The following TENM3 variants were observed in gnomAD, a reference collection of about 807,000 sequenced individuals.
TENM3 encodes teneurin-3.
TENM3 carries 63 observed loss-of-function variants against 255.1 expected under a neutral mutation model. The observed-to-expected ratio is 0.25, with a 90% CI of 0.20 to 0.30. The LOEUF (loss-of-function observed/expected upper bound fraction) is 0.30. TENM3 is among the 10% of genes least tolerant of loss of function. The pLI is 1.00. For missense variants in TENM3, 2,929 were observed against 3,461.1 expected, an observed-to-expected ratio of 0.85 and a Z score of 3.86; for synonymous variants, 1,306 against 1,322.3, an observed-to-expected ratio of 0.99 and a Z score of 0.27.
At chr4:181,732,781 G>A in the TENM3 span, among the ~76,000 whole-genome samples, 5 of 152,128 alleles carry the variant, frequency 3.3e-5, no homozygotes, top group East Asian at 9.7e-4. Flanking sequence ...TGAGTAGGGG[G>A]GCGGGGGATG....
intron 3 of TENM3, among the ~76,000 whole-genome samples, chr4:182,570,975 G>A (rs1744301817): frequency 1.3e-5 from 2 of 152,164 alleles, no homozygotes; most frequent in African/African-American, 2.4e-5. Flanking sequence ...AGAACTGACA[G>A]ACTAACCTGG....
the TENM3 span, among the ~76,000 whole-genome samples, chr4:181,699,469 A>G: frequency 4.6e-4 from 66 of 143,876 alleles, no homozygotes; most frequent in African/African-American, 1.4e-3. Context: ...AAAAAAAAAA[A>G]AAAGAAAGAA....
At chr4:182,235,372 A>T (rs757376506) in intron 1 of TENM3, among the ~76,000 whole-genome samples, 4 of 152,214 alleles carry the variant, frequency 2.6e-5, no homozygotes, top group Non-Finnish European at 5.9e-5. Flanking sequence ...TGCAGCAAAA[A>T]TCTACCTTCC....
the TENM3 span, among the ~76,000 whole-genome samples, chr4:181,587,759 C>T: frequency 6.6e-6 from 1 of 152,202 alleles, no homozygotes; most frequent in Non-Finnish European, 1.5e-5. Flanking sequence ...ACATCAGTAA[C>T]TTCAACATAG....
At chr4:182,439,379 T>C (rs7682409) in intron 3 of TENM3, among the ~76,000 whole-genome samples, 150,794 of 152,362 alleles carry the variant, frequency 0.99, 74,638 homozygotes, top group East Asian at 1. Flanking sequence ...TGGCTTTTTA[T>C]AAACCAAGAC....
chr4:182,415,955 C>T (rs1770329056), intron 3 of TENM3, among the ~76,000 whole-genome samples: 1 of 152,034 alleles, frequency 6.6e-6, no homozygotes, highest in Non-Finnish European at 1.5e-5. Context: ...AATTCAATCC[C>T]CCTGCCTCCC....
the TENM3 span, among the ~76,000 whole-genome samples, chr4:181,856,072 GAAGA>G: frequency 4.1e-5 from 2 of 49,026 alleles, no homozygotes; most frequent in African/African-American, 1.3e-4. Context: ...GGAAGGAAAG[GAAGA>G]AGGAAGGAAG....
At chr4:182,538,086 TTAGTC>T (rs1488582188) in intron 3 of TENM3, among the ~76,000 whole-genome samples, 2 of 152,236 alleles carry the variant, frequency 1.3e-5, no homozygotes, top group African/African-American at 4.8e-5. Flanking sequence ...TATACATTAA[TTAGTC>T]TAATATAAGC....
At chr4:182,776,721 C>T (rs1211978218) in intron 24 of TENM3, among the ~76,000 whole-genome samples, 2 of 152,158 alleles carry the variant, frequency 1.3e-5, no homozygotes, top group African/African-American at 4.8e-5. Flanking sequence ...AGTCTGAAGT[C>T]CCTGGTTCTC....
At chr4:181,965,960 T>C in the TENM3 span, among the ~76,000 whole-genome samples, 88,631 of 151,990 alleles carry the variant, frequency 0.58, 26,429 homozygotes, top group African/African-American at 0.67. Flanking sequence ...ACCTTGAAGC[T>C]TTAGTATCTT....
chr4:182,170,829 G>T (rs1561164032), intron 1 of TENM3, among the ~76,000 whole-genome samples: 1 of 152,142 alleles, frequency 6.6e-6, no homozygotes, highest in African/African-American at 2.4e-5. Context: ...TAAAATTTCA[G>T]TGATGATGTA....
the TENM3 span, chr4:181,975,622 G>A: frequency 6.6e-6 from 1 of 152,352 alleles, no homozygotes; most frequent in Admixed American, 6.5e-5. Context: ...GTTGTGAGGA[G>A]ACCAAGGTAC....
At chr4:182,668,478 G>T (rs949626433) in intron 6 of TENM3, among the ~76,000 whole-genome samples, 1 of 152,124 alleles carries the variant, frequency 6.6e-6, no homozygotes, top group African/African-American at 2.4e-5. Flanking sequence ...CGAAGATTCT[G>T]TGGTGTTATG....
At chr4:181,993,154 C>T in the TENM3 span, among the ~76,000 whole-genome samples, 12 of 152,120 alleles carry the variant, frequency 7.9e-5, no homozygotes, top group South Asian at 6.2e-4. Context: ...CATATGGGTA[C>T]GATTATCTTC....
the TENM3 span, among the ~76,000 whole-genome samples, chr4:181,913,608 G>A: frequency 6.6e-6 from 1 of 152,006 alleles, no homozygotes; most frequent in Non-Finnish European, 1.5e-5. Context: ...TTGGCGGGAG[G>A]GACAGTTACA....
At chr4:181,510,577 G>T in the TENM3 span, among the ~76,000 whole-genome samples, 10 of 151,234 alleles carry the variant, frequency 6.6e-5, no homozygotes. Context: ...TTTAAAAAAA[G>T]AAAGTGTAAC....
chr4:181,599,015 C>T, the TENM3 span, among the ~76,000 whole-genome samples: 1 of 152,110 alleles, frequency 6.6e-6, no homozygotes, highest in Non-Finnish European at 1.5e-5. Flanking sequence ...GTCTAACTAC[C>T]TGAAGCTTTT....
At chr4:181,592,480 T>C in the TENM3 span, among the ~76,000 whole-genome samples, 9 of 151,906 alleles carry the variant, frequency 5.9e-5, no homozygotes, top group African/African-American at 2.2e-4. Flanking sequence ...AGCCCATGAC[T>C]GAACAACAGG....
intron 3 of TENM3, among the ~76,000 whole-genome samples, chr4:182,596,700 A>G (rs191852337): frequency 1.6e-3 from 245 of 152,294 alleles, no homozygotes; most frequent in Non-Finnish European, 2.4e-3. Flanking sequence ...TTGCAAAAAT[A>G]TATTTTGGGG....
Sources: allele counts gnomAD v4.1 joint callset (sites outside exome capture counted in the v4.1 genomes callset), GRCh38; gene constraint gnomAD v4.1.1; transcripts MANE v1.5; gene names NCBI Gene and HGNC (gene_info 2026-07-23, HGNC 2026-07-21).